The following DPP4 variants were observed in gnomAD, a reference collection of about 807,000 sequenced individuals.
DPP4 encodes the protein ADCP-2.
A neutral mutation model predicts 122.4 loss-of-function variants in DPP4; 93 were observed. That is an observed-to-expected ratio of 0.76 (90% CI 0.64 to 0.90). The LOEUF is 0.90. Ranked by LOEUF, DPP4 falls within the 40% of genes least tolerant of loss-of-function variation. The probability of loss-of-function intolerance (pLI) is 0.00; values close to 1 mark genes in which losing one functional copy is unlikely to be tolerated. For missense variants in DPP4, 914 were observed against 907.3 expected (o/e 1.01, Z -0.09); for synonymous variants, 321 against 302.9 (o/e 1.06, Z -0.62).
intron 10 of DPP4, chr2:162,032,095 C>T (rs1322386584): frequency 2.0e-5 from 3 of 152,246 alleles, no homozygotes; most frequent in Non-Finnish European, 4.4e-5. Flanking sequence ...AAAATGGATG[C>T]TTCCGTACTG....
At chr2:162,042,279 A>C (rs1684013585) in intron 5 of DPP4, among the ~76,000 whole-genome samples, 1 of 152,200 alleles carries the variant, frequency 6.6e-6, no homozygotes, top group Non-Finnish European at 1.5e-5. Flanking sequence ...AGGGTTCTGG[A>C]ACATTGTCAA....
intron 20 of DPP4, 98 bp downstream of exon 20, chr2:162,011,695 G>T: frequency 8.0e-7 from 1 of 1,250,622 alleles, no homozygotes; most frequent in Non-Finnish European, 1.1e-6. Flanking sequence ...ATTCATCCCA[G>T]AACACTTTAA....
At chr2:162,024,703 T>C in intron 11 of DPP4, 101 bp downstream of exon 11, 1 of 1,460,664 alleles carries the variant, frequency 6.8e-7, no homozygotes, top group South Asian at 1.4e-5. Context: ...GAAGAGAAAC[T>C]CAAACTTCAT....
chr2:162,038,567 C>T (rs550563126), intron 7 of DPP4, 145 bp from the exon 8 acceptor site: 7 of 869,620 alleles, frequency 8.0e-6, no homozygotes, highest in African/African-American at 3.5e-5. Flanking sequence ...TTACTCCTTC[C>T]CTCTCATTCT....
chr2:162,007,348 A>T (rs576956916), intron 22 of DPP4, among the ~76,000 whole-genome samples: 1 of 152,048 alleles, frequency 6.6e-6, no homozygotes, highest in Non-Finnish European at 1.5e-5. Context: ...CTCCTTTCTT[A>T]TTTATGCTAA....
intron 2 of DPP4, among the ~76,000 whole-genome samples, chr2:162,048,556 C>T (rs768337161): frequency 1.3e-5 from 2 of 152,158 alleles, no homozygotes; most frequent in African/African-American, 2.4e-5. Flanking sequence ...TGCAGGGACC[C>T]TCTCATTCAC....
intron 11 of DPP4, 80 bp downstream of exon 11, chr2:162,024,724 C>G: frequency 1.3e-6 from 2 of 1,514,456 alleles, no homozygotes; most frequent in Non-Finnish European, 1.8e-6. Flanking sequence ...TTCCTGATTC[C>G]CAGCCTTCAC....
intron 10 of DPP4, among the ~76,000 whole-genome samples, chr2:162,029,929 G>A (rs1038227990): frequency 4.6e-5 from 7 of 152,182 alleles, no homozygotes; most frequent in Non-Finnish European, 8.8e-5. Flanking sequence ...AAGCCATCTA[G>A]ATAACTTACT....
intron 20 of DPP4, among the ~76,000 whole-genome samples, chr2:162,009,910 G>A (rs1576037582): frequency 1.3e-5 from 2 of 152,038 alleles, no homozygotes; most frequent in Admixed American, 1.3e-4. Context: ...ATGGAATCCA[G>A]GTAAAGAAAT....
chr2:162,002,641 G>C (rs1245170493), intron 23 of DPP4, among the ~76,000 whole-genome samples: 2 of 151,942 alleles, frequency 1.3e-5, no homozygotes. Context: ...AAGGATGTGA[G>C]GAAGAGAGAA....
Position 162,008,639 on chromosome 2 carries a change from G to A in DPP4, c.1910C>T (p.Ser637Leu), listed in dbSNP as rs371412252. The A allele has an allele frequency of 1.9e-6, 3 of 1,613,506 alleles. No homozygotes were observed. Among genetic ancestry groups the A allele is most frequent in the African/African-American group, 2.7e-5 (2 of 74,842 alleles). Residue 637 changes from serine to leucine, a missense_variant, in exon 22 of 26, where the codon TCA (serine) becomes TTA (leucine). By Grantham distance (145) the Ser-to-Leu change is moderately radical. Coordinates refer to ENST00000360534, the MANE Select transcript of DPP4 (RefSeq NM_001935.4). The stretch of plus-strand genomic sequence containing the variant: ...GCCACTTCCCGATCCCAGGACCATT[G>A]AGGTTACGTACCCTCCATATGACTA... ...WGWSYGGYVT[S>L]MVLGSGSGVF... is the part of the protein sequence containing the mutation.
At chr2:162,036,188 A>C (rs1368257781) in intron 8 of DPP4, among the ~76,000 whole-genome samples, 1 of 152,190 alleles carries the variant, frequency 6.6e-6, no homozygotes, top group Non-Finnish European at 1.5e-5. Context: ...AGTCTCATGT[A>C]AGTGTAAATG....
chr2:162,003,719 A>G (rs1409737306), intron 23 of DPP4, among the ~76,000 whole-genome samples: 17 of 152,192 alleles, frequency 1.1e-4, no homozygotes, highest in Admixed American at 1.1e-3. Flanking sequence ...TTGAACTGGA[A>G]AATGAAAACG....
intron 20 of DPP4, among the ~76,000 whole-genome samples, chr2:162,011,526 T>C (rs1367303892): frequency 6.6e-6 from 1 of 152,124 alleles, no homozygotes; most frequent in Admixed American, 6.6e-5. Context: ...GTTCTTAGAA[T>C]GTGGTAGGAC....
chr2:162,071,643 T>C (rs1685122612), intron 2 of DPP4, among the ~76,000 whole-genome samples: 1 of 152,208 alleles, frequency 6.6e-6, no homozygotes, highest in African/African-American at 2.4e-5. Flanking sequence ...AGTTATTTTT[T>C]TGAATCATAA....
chr2:162,017,460 C>G (rs1160683378), intron 16 of DPP4: 3 of 295,578 alleles, frequency 1.0e-5, no homozygotes, highest in African/African-American at 6.5e-5. Context: ...ATATACTCAT[C>G]TGCAAAGTAA....
At chr2:162,046,763 G>C in intron 4 of DPP4, 152 bp downstream of exon 4, 1 of 694,372 alleles carries the variant, frequency 1.4e-6, no homozygotes, top group East Asian at 2.8e-5. Context: ...AGCCAAGGCA[G>C]GGAGCATTTC....
intron 13 of DPP4, 22 bp downstream of exon 13, chr2:162,020,533 AAAAAAAAAAAGAGGTCAACATGAAAT>A (rs903950490): frequency 5.3e-6 from 7 of 1,313,750 alleles, no homozygotes; most frequent in African/African-American, 1.5e-5. Flanking sequence ...TTGGTTTCCA[AAAAAAAAAAAGAGGTCAACATGAAAT>A]AAAATATGTA....
chr2:162,055,983 C>G lies in DPP4; in HGVS notation c.95-8482G>C, dbSNP rs899349936. Among the ~76,000 whole-genome samples the G allele has an allele frequency of 3.3e-5, 5 of 152,224 alleles. No homozygotes were observed. In the South Asian group the frequency reaches 1.0e-3, roughly 31 times the overall value. ...CCAGACACACCAGGCTCATGCCTGC[C>G]TCAGAGACTTTGCACTTGCTATATG... On this transcript the variant is annotated intron_variant, in intron 2 of 25. Coordinates refer to ENST00000360534, the MANE Select transcript of DPP4 (RefSeq NM_001935.4).
Sources: gnomAD v4.1 joint callset for allele counts (sites outside exome capture counted in the v4.1 genomes callset) on GRCh38, gnomAD v4.1.1 for gene constraint, MANE v1.5 for transcripts, NCBI Gene and HGNC (gene_info 2026-07-23, HGNC 2026-07-21) for gene names.